PCDH9: variants seen among roughly 807,000 people sequenced by gnomAD.
PCDH9 encodes protocadherin-9.
In PCDH9, 24 loss-of-function variants were observed where a neutral mutation model predicts 70.6. The observed-to-expected ratio is 0.34, with a 90% CI of 0.25 to 0.48. The LOEUF is 0.48. Ranked by LOEUF, PCDH9 falls within the 20% of genes least tolerant of loss-of-function variation. The pLI is 0.99. For missense variants in PCDH9, 1,281 were observed against 1,503.6 expected (o/e 0.85, Z 2.45); for synonymous variants, 562 against 558.5 (o/e 1.01, Z -0.09).
chr13:66,849,423 A>T (rs1027414312), intron 3 of PCDH9, among the ~76,000 whole-genome samples: 1 of 149,624 alleles, frequency 6.7e-6, no homozygotes, highest in Non-Finnish European at 1.5e-5. Flanking sequence ...TATATATATG[A>T]AAATATATGA....
chr13:66,708,972 A>C (rs1473283364), intron 3 of PCDH9, among the ~76,000 whole-genome samples: 2 of 152,222 alleles, frequency 1.3e-5, no homozygotes, highest in African/African-American at 4.8e-5. Flanking sequence ...TATCTTTGGG[A>C]AACATACCAT....
chr13:66,512,303 T>TATATATAC (rs1491228217), intron 4 of PCDH9, among the ~76,000 whole-genome samples: 6 of 146,378 alleles, frequency 4.1e-5, no homozygotes, highest in African/African-American at 1.5e-4. Flanking sequence ...TATATATATA[T>TATATATAC]ACACAATAAG....
chr13:66,974,432 A>G (rs1232920188), intron 2 of PCDH9, among the ~76,000 whole-genome samples: 1 of 151,890 alleles, frequency 6.6e-6, no homozygotes. Context: ...TTTCAACTAT[A>G]GTCTTGGAAT....
chr13:66,934,253 C>G (rs2082866293), intron 2 of PCDH9, among the ~76,000 whole-genome samples: 1 of 151,894 alleles, frequency 6.6e-6, no homozygotes, highest in African/African-American at 2.4e-5. Flanking sequence ...AAAACTTGCC[C>G]GGGTGCGGTG....
chr13:66,348,180 C>T (rs896250778), intron 4 of PCDH9, among the ~76,000 whole-genome samples: 3 of 152,074 alleles, frequency 2.0e-5, no homozygotes, highest in Non-Finnish European at 2.9e-5. Context: ...GTTTTACCCT[C>T]TTTTCTGTCA....
chr13:67,040,359 C>T lies in PCDH9; in HGVS notation c.3037-136754G>A, dbSNP rs552206886. 2.6e-3 allele frequency among the ~76,000 whole-genome samples: 400 copies of T among 152,218 alleles called. 4 individuals carry two copies. Among genetic ancestry groups the T allele is most frequent in the African/African-American group, 9.2e-3 (383 of 41,526 alleles). ...CGTGGTGGTAAACACCTGCTAGTCC[C>T]AGCTACTCAGGAGGCTGAGGCGGAA... is the stretch of plus-strand genomic sequence containing the variant. On this transcript the variant is annotated intron_variant, in intron 2 of 4. Coordinates refer to ENST00000377865, the MANE Select transcript of PCDH9 (RefSeq NM_203487.3).
chr13:66,461,530 T>C (rs1002394764), intron 4 of PCDH9, among the ~76,000 whole-genome samples: 6 of 151,006 alleles, frequency 4.0e-5, no homozygotes, highest in African/African-American at 9.7e-5. Flanking sequence ...AAAAACTGTG[T>C]CCATATTATC....
intron 2 of PCDH9, among the ~76,000 whole-genome samples, chr13:67,142,271 T>C (rs745895929): frequency 6.6e-6 from 1 of 152,224 alleles, no homozygotes; most frequent in Non-Finnish European, 1.5e-5. Flanking sequence ...TCTGGCTTCA[T>C]GTATCACCAT....
chr13:66,325,442 A>G (rs1955826825), intron 4 of PCDH9, among the ~76,000 whole-genome samples: 1 of 152,048 alleles, frequency 6.6e-6, no homozygotes, highest in African/African-American at 2.4e-5. Context: ...AAGTTTCTAG[A>G]AGCCAAAATA....
At chr13:67,208,582 C>T (rs940330172) in intron 2 of PCDH9, 3 of 152,028 alleles carry the variant, frequency 2.0e-5, no homozygotes, top group Admixed American at 6.6e-5. Context: ...GTGATTAAAA[C>T]ATTTGGCACT....
At chr13:66,485,429 A>G (rs1042143299) in intron 4 of PCDH9, among the ~76,000 whole-genome samples, 1 of 152,230 alleles carries the variant, frequency 6.6e-6, no homozygotes, top group Non-Finnish European at 1.5e-5. Flanking sequence ...TTAAATTAAT[A>G]TTTCTTGCAG....
chr13:66,824,492 C>T (rs2080775670), intron 3 of PCDH9, among the ~76,000 whole-genome samples: 1 of 148,886 alleles, frequency 6.7e-6, no homozygotes, highest in African/African-American at 2.5e-5. Flanking sequence ...CCCGTCTCTA[C>T]TAAAAATACA....
At chr13:67,034,318 A>T (rs189152524) in intron 2 of PCDH9, among the ~76,000 whole-genome samples, 67 of 152,286 alleles carry the variant, frequency 4.4e-4, no homozygotes, top group Admixed American at 2.2e-3. Flanking sequence ...TAAAAGGGAC[A>T]GTGATATCAT....
At chr13:66,716,544 A>G (rs1013602692) in intron 3 of PCDH9, among the ~76,000 whole-genome samples, 1 of 152,156 alleles carries the variant, frequency 6.6e-6, no homozygotes, top group African/African-American at 2.4e-5. Context: ...GTCAGATCCC[A>G]GTAAGATTCT....
chr13:66,952,789 A>T (rs2083204612), intron 2 of PCDH9, among the ~76,000 whole-genome samples: 1 of 152,096 alleles, frequency 6.6e-6, no homozygotes. Context: ...TCACACCTAG[A>T]CAGCAGGGGC....
chr13:66,442,187 A>G (rs1957987226), intron 4 of PCDH9, among the ~76,000 whole-genome samples: 1 of 152,184 alleles, frequency 6.6e-6, no homozygotes, highest in Non-Finnish European at 1.5e-5. Flanking sequence ...ATTGACTTTC[A>G]ATCTCTGGTG....
chr13:67,030,730 C>T (rs913739992), intron 2 of PCDH9, among the ~76,000 whole-genome samples: 3 of 152,060 alleles, frequency 2.0e-5, no homozygotes, highest in Non-Finnish European at 4.4e-5. Flanking sequence ...GGTTGAGGGG[C>T]TCATTCCATG....
intron 4 of PCDH9, among the ~76,000 whole-genome samples, chr13:66,554,772 A>G (rs985192049): frequency 3.3e-5 from 5 of 152,220 alleles, no homozygotes; most frequent in African/African-American, 1.2e-4. Flanking sequence ...ATAACATATT[A>G]GCAAATTAAA....
chr13:67,083,685 G>T (rs563678132), intron 2 of PCDH9, among the ~76,000 whole-genome samples: 2 of 152,274 alleles, frequency 1.3e-5, no homozygotes, highest in African/African-American at 4.8e-5. Context: ...AATGGAAGAT[G>T]TCAGAGTATA....
Sources: allele counts gnomAD v4.1 joint callset (sites outside exome capture counted in the v4.1 genomes callset), GRCh38; gene constraint gnomAD v4.1.1; transcripts MANE v1.5; gene names NCBI Gene and HGNC (gene_info 2026-07-23, HGNC 2026-07-21).